MBTPS1: variants seen among roughly 807,000 people sequenced by gnomAD.
MBTPS1 encodes membrane-bound transcription factor site-1 protease.
In MBTPS1, 94 loss-of-function variants were observed where a neutral mutation model predicts 127.8. The ratio of observed to expected loss-of-function variants is 0.74; its 90% CI spans 0.62 to 0.87. The LOEUF (loss-of-function observed/expected upper bound fraction) is 0.87. Ranked by LOEUF, MBTPS1 falls within the 40% of genes least tolerant of loss-of-function variation. The pLI is 0.00. For synonymous variants in MBTPS1, 632 were observed against 509.4 expected (o/e 1.24, Z -3.24); for missense variants, 1,636 against 1,353.2 (o/e 1.21, Z -3.28).
intron 1 of MBTPS1, among the ~76,000 whole-genome samples, chr16:84,108,929 T>C (rs778328865): frequency 6.6e-6 from 1 of 152,254 alleles, no homozygotes; most frequent in Admixed American, 6.5e-5. Flanking sequence ...AACAAAATGA[T>C]AAATGCTGGT....
chr16:84,055,869 C>G (rs2085513917), intron 22 of MBTPS1, 136 bp downstream of exon 22: 1 of 940,538 alleles, frequency 1.1e-6, no homozygotes. Flanking sequence ...CAAAAGAAGC[C>G]AAGAGCCAAG....
chr16:84,060,822 T>C lies in MBTPS1; in HGVS notation c.2573-9A>G, dbSNP rs552934421. ...CAGAAGCCAAAAGCAGTCTGCGAAG[T>C]CAACAAGCCTGTTTAGGAATTCCTT... is the stretch of plus-strand genomic sequence containing the variant. On this transcript the variant is annotated splice_polypyrimidine_tract_variant and intron_variant, in intron 19 of 22. Transcript: ENST00000343411. 6.4e-6 allele frequency: 10 copies of C among 1,556,462 alleles called. No individual in the cohort carries two copies. The African/African-American group carries it at 1.1e-4, about 17-fold the overall frequency.
intron 1 of MBTPS1, among the ~76,000 whole-genome samples, chr16:84,102,628 A>G (rs3785024): frequency 0.056 from 8,474 of 152,264 alleles, 302 homozygotes; most frequent in Middle Eastern, 0.099. Flanking sequence ...TGTATTTCCT[A>G]TCATTTGCAA....
Position 84,099,172 on chromosome 16 carries a change from A to G in MBTPS1, c.302T>C (p.Phe101Ser), listed in dbSNP as rs1341145022. ...NNPSSDYPSD[F>S]EVIQIKEKQK... ...TTTTTCTTTTATCTGAATCACCTCA[A>G]AATCACTAGGGTAGTCACTGGATGG... The change falls in exon 3 of 23, where the codon TTT (phenylalanine) becomes TCT (serine). Residue 101 changes from phenylalanine (F) to serine (S), a missense_variant. Coordinates refer to ENST00000343411, the MANE Select transcript of MBTPS1 (RefSeq NM_003791.4). 1.2e-6 allele frequency: 2 copies of G among 1,614,186 alleles called. No homozygotes were observed. The highest frequency in any genetic ancestry group is 1.7e-6 in the Non-Finnish European group (2 of 1,180,038).
chr16:84,073,978 C>T (rs1204612447), intron 12 of MBTPS1, among the ~76,000 whole-genome samples: 1 of 152,046 alleles, frequency 6.6e-6, no homozygotes, highest in Non-Finnish European at 1.5e-5. Flanking sequence ...TGCCCTCCAG[C>T]CTGGGCAACA....
At chr16:84,076,675 C>G (rs919952310) in intron 11 of MBTPS1, among the ~76,000 whole-genome samples, 1 of 152,118 alleles carries the variant, frequency 6.6e-6, no homozygotes, top group East Asian at 1.9e-4. Flanking sequence ...ACAGCAGCAA[C>G]AAAAAGATTA....
At chr16:84,093,427 C>G (rs2086137280) in intron 5 of MBTPS1, 130 bp from the exon 6 acceptor site, 1 of 689,614 alleles carries the variant, frequency 1.5e-6, no homozygotes. Flanking sequence ...TCTGCTGCTG[C>G]TCTACGATCC....
chr16:84,101,845 T>G lies in MBTPS1; in HGVS notation c.-62A>C, dbSNP rs1305943890. On this transcript the variant is annotated 5_prime_UTR_variant, in exon 2 of 23. The change abolishes the stop of an existing upstream ORF in the 5' untranslated region. Coordinates refer to ENST00000343411, the MANE Select transcript of MBTPS1 (RefSeq NM_003791.4). ...TCAAATCACACTTTTTTCTTCTTGA[T>G]TAAAAGTGAATTTTTGTTTCAGCTA... The G allele has an allele frequency of 6.6e-6, 10 of 1,509,490 alleles. No homozygotes were observed. The highest frequency in any genetic ancestry group is 9.1e-6 in the Non-Finnish European group (10 of 1,101,110). The allele number at this position is 1,509,490 out of a possible 1,614,324, so 93.5% of individuals were successfully genotyped here.
chr16:84,064,852 C>A (rs1416253139), intron 18 of MBTPS1, among the ~76,000 whole-genome samples: 3 of 152,146 alleles, frequency 2.0e-5, no homozygotes, highest in Admixed American at 2.0e-4. Context: ...AAAATAAGTT[C>A]TATATTCCAG....
intron 19 of MBTPS1, 93 bp downstream of exon 19, chr16:84,063,212 G>A: frequency 2.9e-6 from 4 of 1,362,106 alleles, no homozygotes; most frequent in East Asian, 4.6e-5. Flanking sequence ...GATGTCGGCT[G>A]ATCTGCCAGC....
rs71382894 is a variant in MBTPS1 at position 84,097,837 on chromosome 16, C to CGTGTGTGTGTGTGT, written c.421+1202_421+1215dup. 5.6e-3 allele frequency among the ~76,000 whole-genome samples: 799 copies of CGTGTGTGTGTGTGT among 143,094 alleles called. 2 individuals are homozygous for CGTGTGTGTGTGTGT. Among genetic ancestry groups the CGTGTGTGTGTGTGT allele is most frequent in the African/African-American group, 0.019 (742 of 39,066 alleles). 93.9% of individuals were successfully genotyped at this position (143,094 alleles called of 152,430 possible). A position where few individuals can be genotyped will look rare whatever the true frequency, so the allele number is the denominator to read the frequency against. ...TTACTATGAAAATTAAACTTCTCTT[C>CGTGTGTGTGTGTGT]GTGTGTGTGTGTGTGTGTGTGTGTG... On this transcript the variant is annotated intron_variant, in intron 3 of 22. Transcript: ENST00000343411.
At chr16:84,110,493 A>G (rs144266103) in intron 1 of MBTPS1, among the ~76,000 whole-genome samples, 55 of 152,356 alleles carry the variant, frequency 3.6e-4, no homozygotes, top group African/African-American at 1.3e-3. Context: ...ACCTTTTAGA[A>G]TGGCAATTTT....
rs141056678 is a variant in MBTPS1, at chr16:84,073,571, T to C, written c.1593+1026A>G. Among the ~76,000 whole-genome samples the C allele has an allele frequency of 3.5e-3, 538 of 152,302 alleles. 3 individuals carry two copies. Among genetic ancestry groups the C allele is most frequent in the Middle Eastern group, 6.8e-3 (2 of 294 alleles). On this transcript the variant is annotated intron_variant, in intron 12 of 22. Transcript: ENST00000343411. Reference sequence around the variant, plus strand: ...AATATTTAAAAAACAGTGGCCAAGTTAGTATGCTGAGGCTGGAAGCGAGTT... The same window carrying C: ...AATATTTAAAAAACAGTGGCCAAGTCAGTATGCTGAGGCTGGAAGCGAGTT...
chr16:84,105,672 A>G (rs868713073), intron 1 of MBTPS1, among the ~76,000 whole-genome samples: 12 of 152,262 alleles, frequency 7.9e-5, no homozygotes, highest in Admixed American at 6.5e-4. Flanking sequence ...AGGCTGAAAG[A>G]CGAGGGGGGA....
chr16:84,112,820 C>T (rs957889334), intron 1 of MBTPS1, among the ~76,000 whole-genome samples: 2 of 150,856 alleles, frequency 1.3e-5, no homozygotes, highest in Non-Finnish European at 3.0e-5. Context: ...ACTAAAAATA[C>T]AAAAATTAGC....
intron 10 of MBTPS1, 75 bp from the exon 11 acceptor site, chr16:84,081,983 CA>C: frequency 8.9e-7 from 1 of 1,118,310 alleles, no homozygotes; most frequent in Non-Finnish European, 1.2e-6. Context: ...ACCTAACCTA[CA>C]AACGTGCACA....
chr16:84,086,075 A>G (rs2086019238), intron 9 of MBTPS1: 1 of 152,242 alleles, frequency 6.6e-6, no homozygotes, highest in African/African-American at 2.4e-5. Context: ...AGAAAACAGG[A>G]GCCCAATTTG....
chr16:84,060,563 C>T (rs2085594546), intron 20 of MBTPS1, 119 bp downstream of exon 20: 9 of 1,199,524 alleles, frequency 7.5e-6, no homozygotes, highest in African/African-American at 1.5e-5. Flanking sequence ...ATTACGAAAA[C>T]CACTCAGCGG....
chr16:84,063,137 A>G (rs17849038), intron 19 of MBTPS1, among the ~76,000 whole-genome samples, 168 bp downstream of exon 19: 2 of 152,378 alleles, frequency 1.3e-5, no homozygotes, highest in East Asian at 3.9e-4. Flanking sequence ...TCAGACACCT[A>G]TCAAAATATT....
Sources: allele counts gnomAD v4.1 joint callset (sites outside exome capture counted in the v4.1 genomes callset), GRCh38; gene constraint gnomAD v4.1.1; transcripts MANE v1.5; gene names NCBI Gene and HGNC (gene_info 2026-07-23, HGNC 2026-07-21).